The following CIMAP2 variants were observed in gnomAD, a reference collection of about 807,000 sequenced individuals.
The protein encoded by CIMAP2 is ciliary microtubule-associated protein 2.
chr1:54,814,462 C>T, the CIMAP2 span, among the ~76,000 whole-genome samples: 24 of 152,344 alleles, frequency 1.6e-4, no homozygotes, highest in African/African-American at 5.0e-4. Flanking sequence ...GGTCTGCCCC[C>T]GCTAGGCACT....
chr1:54,838,177 C>G, the CIMAP2 span, among the ~76,000 whole-genome samples: 1 of 152,026 alleles, frequency 6.6e-6, no homozygotes, highest in African/African-American at 2.4e-5. Context: ...AGGCACTGTA[C>G]TCAGCTCTGT....
At chr1:54,817,049 C>G in the CIMAP2 span, 1 of 1,614,202 alleles carries the variant, frequency 6.2e-7, no homozygotes. Context: ...GGACAGGCGG[C>G]AGCGATATCG....
chr1:54,811,765 G>GCCGGGGGGGGGGCGGGCCCCCCC, the CIMAP2 span: 2 of 1,301,332 alleles, frequency 1.5e-6, no homozygotes, highest in Non-Finnish European at 2.2e-6. Context: ...GGTTCTGACA[G>GCCGGGGGGGGGGCGGGCCCCCCC]CCTCCATGCC....
the CIMAP2 span, among the ~76,000 whole-genome samples, chr1:54,827,772 C>T: frequency 6.6e-6 from 1 of 152,220 alleles, no homozygotes; most frequent in African/African-American, 2.4e-5. Context: ...CCTGCCTTGG[C>T]AGAATTCTGT....
At chr1:54,807,141 G>C in the CIMAP2 span, 1 of 1,513,768 alleles carries the variant, frequency 6.6e-7, no homozygotes, top group Non-Finnish European at 9.2e-7. Flanking sequence ...GCCCCTTCGA[G>C]CTGCCTGCTG....
the CIMAP2 span, among the ~76,000 whole-genome samples, chr1:54,810,698 T>C: frequency 1.3e-5 from 2 of 152,144 alleles, no homozygotes; most frequent in African/African-American, 4.8e-5. Context: ...TCCTGCCAGG[T>C]CTCTACCCAA....
chr1:54,828,815 GA>G, the CIMAP2 span, among the ~76,000 whole-genome samples: 13 of 152,262 alleles, frequency 8.5e-5, no homozygotes, highest in African/African-American at 2.4e-4. Flanking sequence ...AAGAATGCCT[GA>G]ATAACTGGAT....
chr1:54,806,988 C>T, the CIMAP2 span: 1 of 1,612,144 alleles, frequency 6.2e-7, no homozygotes, highest in Non-Finnish European at 8.5e-7. Context: ...GCCACCGTCC[C>T]TCCCTAGGTT....
the CIMAP2 span, chr1:54,811,765 G>GCGGGGGGGGGGGCCCCCCCCC: frequency 2.3e-6 from 3 of 1,301,322 alleles, no homozygotes; most frequent in Non-Finnish European, 3.3e-6. Flanking sequence ...GGTTCTGACA[G>GCGGGGGGGGGGGCCCCCCCCC]CCTCCATGCC....
the CIMAP2 span, among the ~76,000 whole-genome samples, chr1:54,808,353 C>T: frequency 6.6e-6 from 1 of 151,934 alleles, no homozygotes; most frequent in Non-Finnish European, 1.5e-5. Flanking sequence ...GAGGAGGTGA[C>T]ATTTGAGGAA....
chr1:54,830,657 A>G, the CIMAP2 span, among the ~76,000 whole-genome samples: 1 of 152,240 alleles, frequency 6.6e-6, no homozygotes, highest in Non-Finnish European at 1.5e-5. The surrounding 1 kb of genome is among the most constrained non-coding windows in gnomAD (Gnocchi z 4.1). Context: ...GGCTGCAGAC[A>G]GTGGGGGAGA....
At chr1:54,807,775 C>G in the CIMAP2 span, 1 of 1,508,970 alleles carries the variant, frequency 6.6e-7, no homozygotes, top group Non-Finnish European at 8.9e-7. Flanking sequence ...CTTCAGTGTC[C>G]TCCCAAGGCC....
At chr1:54,812,174 G>A in the CIMAP2 span, 2 of 1,614,186 alleles carry the variant, frequency 1.2e-6, no homozygotes, top group Non-Finnish European at 1.7e-6. Flanking sequence ...TGCCTTATGG[G>A]CACTACTCCA....
At chr1:54,808,048 C>T in the CIMAP2 span, 4 of 1,506,808 alleles carry the variant, frequency 2.7e-6, no homozygotes, top group African/African-American at 1.4e-5. Context: ...AAGCAGAGAG[C>T]CTGGCATACA....
At chr1:54,815,102 A>T in the CIMAP2 span, 1 of 1,594,632 alleles carries the variant, frequency 6.3e-7, no homozygotes, top group Non-Finnish European at 8.6e-7. Context: ...CCAACACCAA[A>T]GCCTCTTTGT....
the CIMAP2 span, among the ~76,000 whole-genome samples, chr1:54,818,737 A>G: frequency 6.7e-6 from 1 of 148,754 alleles, no homozygotes; most frequent in Admixed American, 6.8e-5. Context: ...GATTACAAGC[A>G]TGCACCACCA....
At chr1:54,807,220 G>A in the CIMAP2 span, 1 of 987,246 alleles carries the variant, frequency 1.0e-6, no homozygotes. Flanking sequence ...TGGACCCACA[G>A]TGGGGGCTTC....
the CIMAP2 span, among the ~76,000 whole-genome samples, chr1:54,820,009 T>A: frequency 8.2e-6 from 1 of 121,898 alleles, no homozygotes; most frequent in East Asian, 2.9e-4. Context: ...CTCCCTCTCT[T>A]TTCCTTCTTT....
At chr1:54,815,810 C>T in the CIMAP2 span, among the ~76,000 whole-genome samples, 4 of 152,068 alleles carry the variant, frequency 2.6e-5, no homozygotes, top group African/African-American at 7.2e-5. Flanking sequence ...TTTAACAGCT[C>T]TCATTTCCAG....
Sources: allele counts gnomAD v4.1 joint callset (sites outside exome capture counted in the v4.1 genomes callset), GRCh38; gene constraint gnomAD v4.1.1; non-coding constraint Gnocchi (gnomAD v3.1); transcripts MANE v1.5; gene names NCBI Gene and HGNC (gene_info 2026-07-23, HGNC 2026-07-21).